The following GALNT11 variants were observed in gnomAD, a reference collection of about 807,000 sequenced individuals.
GALNT11 encodes the protein UDP-GalNAc:polypeptide N-acetylgalactosaminyltransferase 11.
Under a neutral mutation model 72.7 loss-of-function variants are expected in GALNT11, and 47 were observed. The ratio of observed to expected loss-of-function variants is 0.65; its 90% confidence interval spans 0.51 to 0.82. The LOEUF is 0.82. GALNT11 is among the 40% of genes least tolerant of loss of function. The probability of loss-of-function intolerance (pLI) is 0.00; values close to 1 mark genes in which losing one functional copy is unlikely to be tolerated. For missense variants in GALNT11, 677 were observed against 778.4 expected, an observed-to-expected ratio of 0.87 and a Z score of 1.55; for synonymous variants, 270 against 286.6, an observed-to-expected ratio of 0.94 and a Z score of 0.58.
At chr7:152,099,543 T>TG (rs1425979921) in intron 2 of GALNT11, among the ~76,000 whole-genome samples, 2 of 131,282 alleles carry the variant, frequency 1.5e-5, no homozygotes, top group Non-Finnish European at 3.2e-5. Context: ...TTTTTTTTTT[T>TG]TTTTTTTTTT....
intron 3 of GALNT11, among the ~76,000 whole-genome samples, chr7:152,101,832 C>T (rs1481738222): frequency 1.3e-5 from 2 of 152,080 alleles, no homozygotes; most frequent in Non-Finnish European, 2.9e-5. Flanking sequence ...TAGGGTTTCA[C>T]CATGTTGGCC....
chr7:152,068,815 T>A (rs2084462953), intron 1 of GALNT11, among the ~76,000 whole-genome samples: 1 of 152,048 alleles, frequency 6.6e-6, no homozygotes, highest in African/African-American at 2.4e-5. Flanking sequence ...ATTTTTATTG[T>A]ATTTTTTTCT....
intron 7 of GALNT11, among the ~76,000 whole-genome samples, chr7:152,110,893 CT>C (rs1219573935): frequency 1.3e-5 from 2 of 151,670 alleles, no homozygotes; most frequent in African/African-American, 4.8e-5. Flanking sequence ...TGTAATTTTT[CT>C]ATTTTTTGTA....
intron 1 of GALNT11, among the ~76,000 whole-genome samples, chr7:152,084,948 A>C (rs184497282): frequency 6.6e-6 from 1 of 151,618 alleles, no homozygotes; most frequent in African/African-American, 2.4e-5. Flanking sequence ...GTCCCCCTCC[A>C]AAGTCACAAT....
chr7:152,046,066 T>C (rs756842954), intron 1 of GALNT11, among the ~76,000 whole-genome samples: 2 of 152,200 alleles, frequency 1.3e-5, no homozygotes, highest in Non-Finnish European at 2.9e-5. Flanking sequence ...TTCAGGTGCA[T>C]ATTGTTTAAT....
chr7:152,043,307 T>C (rs551039784), intron 1 of GALNT11, among the ~76,000 whole-genome samples: 3 of 152,232 alleles, frequency 2.0e-5, no homozygotes, highest in Non-Finnish European at 2.9e-5. Flanking sequence ...CCGGCTCCTG[T>C]TGGGACCTTT....
chr7:152,040,844 C>T (rs936531863), intron 1 of GALNT11, among the ~76,000 whole-genome samples: 16 of 152,210 alleles, frequency 1.1e-4, no homozygotes, highest in African/African-American at 2.9e-4. Flanking sequence ...GAATAAGAAG[C>T]TTTACCGTTG....
chr7:152,111,642 A>T (rs545991787), intron 7 of GALNT11, among the ~76,000 whole-genome samples: 35 of 146,320 alleles, frequency 2.4e-4, no homozygotes, highest in Middle Eastern at 7.0e-3. Flanking sequence ...ATATATATAT[A>T]TATTTTTTTA....
intron 5 of GALNT11, among the ~76,000 whole-genome samples, chr7:152,106,374 G>C (rs1393284868): frequency 1.3e-5 from 2 of 152,172 alleles, no homozygotes; most frequent in Non-Finnish European, 2.9e-5. Context: ...CGTGTGCTGG[G>C]CTGAGTTGGA....
At chr7:152,059,170 A>G (rs1392772028) in intron 1 of GALNT11, among the ~76,000 whole-genome samples, 1 of 152,088 alleles carries the variant, frequency 6.6e-6, no homozygotes, top group African/African-American at 2.4e-5. Context: ...GTCATAGCTC[A>G]CTGCAGCTTC....
rs1030785194 is a variant in GALNT11, at chr7:152,070,594, C to G, written c.-38-23596C>G. Among the ~76,000 whole-genome samples the G allele has an allele frequency of 2.0e-5, 3 of 152,162 alleles. No individual in the cohort carries two copies. In the East Asian group the frequency reaches 5.8e-4, roughly 29 times the overall value. On this transcript the variant is annotated intron_variant, in intron 1 of 11. Coordinates refer to ENST00000430044, the MANE Select transcript of GALNT11 (RefSeq NM_022087.4). The stretch of plus-strand genomic sequence containing the variant: ...TCAAGTTCTTCTCACATTGTATCAA[C>G]TCTGATCTCCTCTTTTGCCTCCCTC...
chr7:152,041,757 G>A (rs1651975916), intron 1 of GALNT11, among the ~76,000 whole-genome samples: 1 of 152,218 alleles, frequency 6.6e-6, no homozygotes, highest in African/African-American at 2.4e-5. Context: ...AGGTAGGAAT[G>A]CCTAGAGCAG....
At chr7:152,063,010 C>T (rs2084104114) in intron 1 of GALNT11, among the ~76,000 whole-genome samples, 1 of 152,156 alleles carries the variant, frequency 6.6e-6, no homozygotes, top group African/African-American at 2.4e-5. Context: ...CCCTCTTTTT[C>T]TATTGATAGG....
At chr7:152,077,333 G>T (rs183718848) in intron 1 of GALNT11, among the ~76,000 whole-genome samples, 1 of 152,180 alleles carries the variant, frequency 6.6e-6, no homozygotes, top group African/African-American at 2.4e-5. Flanking sequence ...AACCAGAGAC[G>T]TGAGCCTCTG....
intron 1 of GALNT11, among the ~76,000 whole-genome samples, chr7:152,081,636 G>C (rs1241563903): frequency 1.3e-5 from 2 of 152,128 alleles, no homozygotes; most frequent in African/African-American, 4.8e-5. Flanking sequence ...AGTAGTGTAA[G>C]GCTACTCTTC....
intron 1 of GALNT11, among the ~76,000 whole-genome samples, chr7:152,084,381 A>T (rs968771260): frequency 6.7e-5 from 6 of 89,538 alleles, no homozygotes; most frequent in African/African-American, 2.0e-4. Context: ...CTGTCTCTTT[A>T]AAAAAAAAAA....
In GALNT11 at chr7:152,117,157, G is replaced by C; in HGVS notation, c.1234G>C (p.Glu412Gln). The C allele has an allele frequency of 6.3e-7, 1 of 1,580,818 alleles. No individual in the cohort carries two copies. Reference sequence around the variant, plus strand: ...TTATTTTTACTTTTTTTAAATTCAGGAGCAGTATTTTTCCTTAAGACCTGA... The same window carrying C: ...TTATTTTTACTTTTTTTAAATTCAGCAGCAGTATTTTTCCTTAAGACCTGA... ...LAHVWLDEYK[E>Q]QYFSLRPDLK... Residue 412 changes from glutamate (E) to glutamine (Q), a missense_variant and splice_region_variant, in exon 9 of 12, where the codon GAG (glutamate) becomes CAG (glutamine). Physicochemically the swap from Glu to Gln is conservative, Grantham distance 29 (BLOSUM62 2). Coordinates refer to ENST00000430044, the MANE Select transcript of GALNT11 (RefSeq NM_022087.4).
At position 152,117,727 on chromosome 7, in the gene GALNT11, A is replaced by G. The variant is rs558616702; in HGVS notation, c.1452+352A>G. On this transcript the variant is annotated intron_variant, in intron 9 of 11. Coordinates refer to ENST00000430044, the MANE Select transcript of GALNT11 (RefSeq NM_022087.4). ...TGGAGAAATGGGGCAGTGATCTGCT[A>G]TTTGCTCTTAGCTCTGGGAACCAAA... 5.1e-5 allele frequency: 13 copies of G among 253,994 alleles called. No homozygotes were observed. In the East Asian group the frequency reaches 1.2e-3, roughly 23 times the overall value. 15.7% of individuals were successfully genotyped at this position (253,994 alleles called of 1,614,324 possible).
At chr7:152,116,916 C>CGT in intron 8 of GALNT11, 1 of 645,508 alleles carries the variant, frequency 1.5e-6, no homozygotes, top group South Asian at 1.5e-5. Flanking sequence ...ACAGCCCACA[C>CGT]ACGCAGACCC....
Sources: gnomAD v4.1 joint callset for allele counts (sites outside exome capture counted in the v4.1 genomes callset) on GRCh38, gnomAD v4.1.1 for gene constraint, MANE v1.5 for transcripts, NCBI Gene and HGNC (gene_info 2026-07-23, HGNC 2026-07-21) for gene names.